FAN1: variants seen among roughly 807,000 people sequenced by gnomAD.
FAN1 encodes the protein fanconi-associated nuclease 1.
In FAN1, 91 loss-of-function variants were observed where a neutral mutation model predicts 104.9. That is an observed-to-expected ratio of 0.87 (90% confidence interval 0.73 to 1.03). The LOEUF is 1.03. FAN1 is among the 50% of genes least tolerant of loss of function. FAN1 has a pLI of 0.00. For missense variants in FAN1, 1,263 were observed against 1,239.9 expected, an observed-to-expected ratio of 1.02 and a Z score of -0.28; for synonymous variants, 478 against 457.6, an observed-to-expected ratio of 1.04 and a Z score of -0.57.
At chr15:30,933,433 A>G (rs1202776653) in intron 13 of FAN1, among the ~76,000 whole-genome samples, 3 of 152,202 alleles carry the variant, frequency 2.0e-5, no homozygotes, top group Non-Finnish European at 4.4e-5. Flanking sequence ...AGAGATTTTC[A>G]GGTATCTTTC....
At chr15:30,927,131 C>T (rs1157683449) in intron 10 of FAN1, 3 of 912,500 alleles carry the variant, frequency 3.3e-6, no homozygotes, top group South Asian at 5.0e-5. Context: ...ATCTCTTGAC[C>T]CCAGGAGGTC....
Position 30,937,212 on chromosome 15 carries a change from T to G in FAN1, c.3010T>G (p.Cys1004Gly), listed in dbSNP as rs1317825586. 4 of 1,614,034 alleles carry G rather than the reference T, an allele frequency of 2.5e-6. No homozygotes were observed. The African/African-American group carries it at 4.0e-5, about 16-fold the overall frequency. The change falls in exon 14 of 15, where the codon TGC becomes GGC. Residue 1004 changes from cysteine to glycine, a missense_variant. By Grantham distance (159) the Cys-to-Gly change is radical. Around this residue, in one of 2 missense-constraint regions of FAN1, gnomAD observed 581 missense variants for 668.8 expected, o/e 0.87. Transcript: ENST00000362065. ...LQKLGAEVEV[C>G]HVVAVGAKSQ... ...GAAGCTGGGGGCTGAAGTAGAAGTC[T>G]GCCATGTGGTTGCAGTTGGAGCTAA...
intron 13 of FAN1, among the ~76,000 whole-genome samples, chr15:30,931,633 G>A (rs2062712438): frequency 6.6e-6 from 1 of 152,200 alleles, no homozygotes; most frequent in African/African-American, 2.4e-5. Context: ...ATTCATTTGT[G>A]GTGTGTGGAT....
At chr15:30,939,528 A>AG in intron 14 of FAN1, 1 of 978,832 alleles carries the variant, frequency 1.0e-6, no homozygotes, top group Non-Finnish European at 1.2e-6. Flanking sequence ...ACAACTGTCC[A>AG]GCAAAAATAA....
rs978501302 is a variant in FAN1, at chr15:30,941,641, G to A, written c.*79G>A. The A allele has an allele frequency of 9.3e-6, 15 of 1,609,144 alleles. No homozygotes were observed. Among genetic ancestry groups the A allele is most frequent in the Admixed American group, 3.4e-5 (2 of 58,988 alleles). On this transcript the variant is annotated 3_prime_UTR_variant, in exon 15 of 15. Coordinates refer to ENST00000362065, the MANE Select transcript of FAN1 (RefSeq NM_014967.5). ...CCGAGGTGTCGGTGTGGTGAGGGCC[G>A]CTGGCGTTGAAGTACATCCTGCTCT...
intron 4 of FAN1, chr15:30,911,815 G>C (rs2062106593): frequency 3.4e-6 from 2 of 589,574 alleles, no homozygotes; most frequent in Non-Finnish European, 4.3e-6. Flanking sequence ...TGTAATCCCA[G>C]CACTTTGGGA....
Position 30,942,180 on chromosome 15 carries a change from G to A in FAN1, c.*618G>A, listed in dbSNP as rs1019469429. ...ACTATGAAAAATTAATGGAATTTCA[G>A]CCTCAAAGAACATTTTCCTCCCTTC... is the stretch of plus-strand genomic sequence containing the variant. On this transcript the variant is annotated 3_prime_UTR_variant, in exon 15 of 15. Coordinates refer to ENST00000362065, the MANE Select transcript of FAN1 (RefSeq NM_014967.5). The A allele has an allele frequency of 1.8e-5, 24 of 1,328,332 alleles. No homozygotes were observed. Among genetic ancestry groups the A allele is most frequent in the Non-Finnish European group, 4.1e-6 (4 of 974,338 alleles). 82.3% of individuals were successfully genotyped at this position (1,328,332 alleles called of 1,614,324 possible). A position where few individuals can be genotyped will look rare whatever the true frequency, so the allele number is the denominator to read the frequency against.
At chr15:30,927,781 C>T in intron 10 of FAN1, 2 of 985,836 alleles carry the variant, frequency 2.0e-6, no homozygotes, top group Non-Finnish European at 2.4e-6. Flanking sequence ...ACTTGGAGGG[C>T]AGCTGGATGA....
chr15:30,921,004 G>C (rs1362116091), intron 7 of FAN1, among the ~76,000 whole-genome samples: 1 of 152,128 alleles, frequency 6.6e-6, no homozygotes, highest in African/African-American at 2.4e-5. Flanking sequence ...GGCTGATCTC[G>C]AACTCCTGGG....
At position 30,905,199 on chromosome 15, in the gene FAN1, C is replaced by T. The variant is rs2061947193; in HGVS notation, c.536C>T (p.Ser179Phe). The change falls in exon 2 of 15, where the codon TCT (serine) becomes TTT (phenylalanine). Residue 179 changes from serine to phenylalanine, a missense_variant. Ser to Phe is a radical substitution (Grantham distance 155). This residue lies in a region of FAN1 where 682 missense variants were observed against 571.1 expected (regional missense o/e 1.19). Coordinates refer to ENST00000362065, the MANE Select transcript of FAN1 (RefSeq NM_014967.5). ...GATAAGGATGAAGAATTTGCCGGTTCTAGTCCACAGAGTTCCAAATCCACA... is the reference window on the plus strand; with the variant it reads ...GATAAGGATGAAGAATTTGCCGGTTTTAGTCCACAGAGTTCCAAATCCACA... ...SIDKDEEFAGSSPQSSKSTVV... is the reference protein window; with the variant it reads ...SIDKDEEFAGFSPQSSKSTVV... The T allele has an allele frequency of 3.1e-6, 5 of 1,613,562 alleles. No homozygotes were observed. In the South Asian group the frequency reaches 4.4e-5, roughly 14 times the overall value.
At chr15:30,929,832 A>AAAAT (rs1555403212) in intron 12 of FAN1, among the ~76,000 whole-genome samples, 1 of 65,506 alleles carries the variant, frequency 1.5e-5, no homozygotes, top group East Asian at 3.6e-4. Flanking sequence ...TATCATATAT[A>AAAAT]ATATAATATA....
chr15:30,907,996 C>T, intron 2 of FAN1, 122 bp from the exon 3 acceptor site: 2 of 637,864 alleles, frequency 3.1e-6, no homozygotes, highest in Non-Finnish European at 4.8e-6. Context: ...TGGTTTATTC[C>T]ATAAAATGAA....
intron 9 of FAN1, 113 bp from the exon 10 acceptor site, chr15:30,925,676 A>G (rs2062442985): frequency 5.0e-6 from 6 of 1,205,900 alleles, no homozygotes; most frequent in Non-Finnish European, 7.1e-6. Flanking sequence ...TGTGTGCTCT[A>G]CTAAGTGACT....
At chr15:30,935,594 C>G (rs1414342660) in intron 13 of FAN1, among the ~76,000 whole-genome samples, 4 of 95,578 alleles carry the variant, frequency 4.2e-5, no homozygotes, top group Non-Finnish European at 7.4e-5. Flanking sequence ...AGATGCGATG[C>G]CATTTTATAT....
chr15:30,939,387 C>T, intron 14 of FAN1: 3 of 985,480 alleles, frequency 3.0e-6, no homozygotes, highest in Non-Finnish European at 3.6e-6. Context: ...TGCAGCCACA[C>T]CACTGCTGTC....
chr15:30,910,808 T>G lies in FAN1; in HGVS notation c.1570T>G (p.Leu524Val). The G allele has an allele frequency of 6.2e-7, 1 of 1,613,366 alleles. No homozygotes were observed. The highest frequency in any genetic ancestry group is 8.5e-7 in the Non-Finnish European group (1 of 1,179,668). Reference sequence around the variant, plus strand: ...TAAGCCTGGAATTGGTGCAGTGATTTTAAAAAGGTTTTGTTGGCTATTGTT... The same window carrying G: ...TAAGCCTGGAATTGGTGCAGTGATTGTAAAAAGGTTTTGTTGGCTATTGTT... ...KNKPGIGAVI[L>V]KRAKALAGQS... is the part of the protein sequence containing the mutation. Residue 524 changes from leucine to valine, a missense_variant, in exon 4 of 15, where the codon TTA becomes GTA. Coordinates refer to ENST00000362065, the MANE Select transcript of FAN1 (RefSeq NM_014967.5).
intron 13 of FAN1, among the ~76,000 whole-genome samples, chr15:30,932,756 C>A (rs1256875113): frequency 6.7e-6 from 1 of 150,086 alleles, no homozygotes; most frequent in Admixed American, 6.6e-5. Context: ...CTCTGTCGCC[C>A]AGACTGGAGT....
chr15:30,941,161 CAGAT>C (rs1435028911), intron 14 of FAN1: 8 of 1,310,082 alleles, frequency 6.1e-6, no homozygotes, highest in Non-Finnish European at 6.0e-6. Context: ...GACTGACTAT[CAGAT>C]AGCCTTCAGG....
intron 7 of FAN1, among the ~76,000 whole-genome samples, chr15:30,921,885 ATG>A (rs2062340136): frequency 6.6e-6 from 1 of 152,180 alleles, no homozygotes; most frequent in Non-Finnish European, 1.5e-5. Context: ...TCCCAGAAGT[ATG>A]TGGGTTTGCC....
Sources: gnomAD v4.1 joint callset for allele counts (sites outside exome capture counted in the v4.1 genomes callset) on GRCh38, gnomAD v4.1.1 for gene constraint, gnomAD v4.1.1 regional missense constraint, MANE v1.5 for transcripts, NCBI Gene and HGNC (gene_info 2026-07-23, HGNC 2026-07-21) for gene names.